The following RAB27B variants were observed in gnomAD, a reference collection of about 807,000 sequenced individuals.
RAB27B encodes ras-related protein Rab-27B.
RAB27B carries 15 observed loss-of-function variants against 24.6 expected under a neutral mutation model. That is an observed-to-expected ratio of 0.61 (90% confidence interval 0.41 to 0.94). The LOEUF is 0.94. RAB27B is among the 40% of genes least tolerant of loss of function. RAB27B has a pLI of 0.00. For missense variants in RAB27B, 261 were observed against 266.8 expected, an observed-to-expected ratio of 0.98 and a Z score of 0.15; for synonymous variants, 105 against 92.5, an observed-to-expected ratio of 1.14 and a Z score of -0.78.
intron 2 of RAB27B, among the ~76,000 whole-genome samples, chr18:54,731,563 A>G (rs1909734206): frequency 6.6e-6 from 1 of 151,966 alleles, no homozygotes. Context: ...TCTACTAAAA[A>G]TACAAAATTA....
In RAB27B at chr18:54,850,865, T is replaced by C. The variant is rs117852191; in HGVS notation, c.-20+22165T>C. The stretch of plus-strand genomic sequence containing the variant: ...GGAATACATATTCCTAAAGAGAGTG[T>C]TGTGTTGTGTTGTATTTAAAAGAAA... On this transcript the variant is annotated intron_variant, in intron 1 of 5. Transcript: ENST00000262094. Among the ~76,000 whole-genome samples, 324 of 151,762 alleles carry C rather than the reference T, an allele frequency of 2.1e-3. 3 individuals are homozygous for C. Among genetic ancestry groups the C allele is most frequent in the East Asian group, 0.019 (97 of 5,164 alleles).
intron 2 of RAB27B, among the ~76,000 whole-genome samples, chr18:54,756,136 T>C (rs1164954247): frequency 1.3e-5 from 2 of 152,138 alleles, no homozygotes; most frequent in Non-Finnish European, 2.9e-5. Flanking sequence ...AAGTATGAGG[T>C]GATAATTGAT....
At chr18:54,811,830 G>T (rs569686842) in intron 2 of RAB27B, among the ~76,000 whole-genome samples, 1 of 152,320 alleles carries the variant, frequency 6.6e-6, no homozygotes, top group African/African-American at 2.4e-5. Flanking sequence ...AAGCAAGTTT[G>T]CCTGATGCAG....
At chr18:54,864,968 A>T (rs1912152508) in intron 1 of RAB27B, among the ~76,000 whole-genome samples, 1 of 152,118 alleles carries the variant, frequency 6.6e-6, no homozygotes, top group Admixed American at 6.5e-5. Flanking sequence ...GATTAAATTA[A>T]ATGTGTAGTG....
chr18:54,863,465 G>A (rs1237274771), intron 1 of RAB27B, among the ~76,000 whole-genome samples: 1 of 152,126 alleles, frequency 6.6e-6, no homozygotes, highest in Admixed American at 6.5e-5. Context: ...TATTGTAAGA[G>A]AAAATATAAT....
chr18:54,775,563 A>C (rs1908689537), intron 2 of RAB27B, among the ~76,000 whole-genome samples: 1 of 152,142 alleles, frequency 6.6e-6, no homozygotes, highest in Non-Finnish European at 1.5e-5. Context: ...ATATGTACCA[A>C]ATGGAGTCTG....
rs1047001271 is a variant in RAB27B at position 54,893,266 on chromosome 18, A to G, written c.*3853A>G. 6.6e-6 allele frequency: 1 copy of G among 152,018 alleles called. No individual in the cohort carries two copies. The highest frequency in any genetic ancestry group is 2.4e-5 in the African/African-American group (1 of 41,430). The allele number at this position is 152,018 out of a possible 1,614,324, so 9.4% of individuals were successfully genotyped here. ...CATTCGTAAAGGATTTTGGATGTAT[A>G]ATCTAAAACTCAACAATAAAGAAAT... On this transcript the variant is annotated 3_prime_UTR_variant, in exon 6 of 6. Coordinates refer to ENST00000262094, the MANE Select transcript of RAB27B (RefSeq NM_004163.4).
chr18:54,819,504 C>T (rs1044701624), intron 2 of RAB27B, among the ~76,000 whole-genome samples: 24 of 119,116 alleles, frequency 2.0e-4, no homozygotes, highest in East Asian at 4.9e-4. Flanking sequence ...TGCACTCCAG[C>T]GTGGGCGACA....
At chr18:54,742,768 A>G (rs1910107398) in intron 2 of RAB27B, among the ~76,000 whole-genome samples, 1 of 152,200 alleles carries the variant, frequency 6.6e-6, no homozygotes, top group Admixed American at 6.5e-5. Context: ...CTTGCATATG[A>G]AGACCAAAAG....
chr18:54,849,893 A>T (rs1911489527), intron 1 of RAB27B, among the ~76,000 whole-genome samples: 1 of 152,178 alleles, frequency 6.6e-6, no homozygotes, highest in Admixed American at 6.5e-5. Context: ...ATCACTTAAG[A>T]GGCATTCAGC....
intron 2 of RAB27B, among the ~76,000 whole-genome samples, chr18:54,808,636 T>G (rs1251767591): frequency 6.6e-6 from 1 of 152,228 alleles, no homozygotes; most frequent in Non-Finnish European, 1.5e-5. Context: ...GATCATTCAG[T>G]TCTTTATTGA....
intron 2 of RAB27B, among the ~76,000 whole-genome samples, chr18:54,767,608 A>G (rs1908405805): frequency 6.6e-6 from 1 of 152,224 alleles, no homozygotes; most frequent in African/African-American, 2.4e-5. Context: ...GATCGTGAAT[A>G]ATAGTATGAA....
chr18:54,818,609 C>G (rs1280119617), intron 2 of RAB27B, among the ~76,000 whole-genome samples: 1 of 152,102 alleles, frequency 6.6e-6, no homozygotes, highest in East Asian at 1.9e-4. Context: ...GTACTCAGTG[C>G]TATTGCATTC....
chr18:54,758,546 T>C (rs1446425477), intron 2 of RAB27B, among the ~76,000 whole-genome samples: 1 of 151,346 alleles, frequency 6.6e-6, no homozygotes, highest in East Asian at 1.9e-4. Context: ...ACTTCATGTA[T>C]GAAGGATCAT....
intron 1 of RAB27B, among the ~76,000 whole-genome samples, chr18:54,841,154 C>G (rs1443737881): frequency 3.5e-4 from 3 of 8,642 alleles, no homozygotes; most frequent in Non-Finnish European, 4.2e-4. Context: ...CTTTGGGTGG[C>G]GGGGCGGTGG....
In RAB27B at chr18:54,889,852, G is replaced by A. The variant is rs1010495401; in HGVS notation, c.*439G>A. On this transcript the variant is annotated 3_prime_UTR_variant, in exon 6 of 6. Coordinates refer to ENST00000262094, the MANE Select transcript of RAB27B (RefSeq NM_004163.4). ...GAGTCAGATGCATACTTTTAGATTT[G>A]CATTGGGGAAAATGTACTAGCTAAA... 1 of 153,088 alleles carries A rather than the reference G, an allele frequency of 6.5e-6. No homozygotes were observed. The highest frequency in any genetic ancestry group is 1.5e-5 in the Non-Finnish European group (1 of 68,732). The allele number at this position is 153,088 out of a possible 1,614,324, so 9.5% of individuals were successfully genotyped here. A position where few individuals can be genotyped will look rare whatever the true frequency, so the allele number is the denominator to read the frequency against.
chr18:54,830,404 A>G (rs1435731138), intron 1 of RAB27B, among the ~76,000 whole-genome samples: 4 of 152,238 alleles, frequency 2.6e-5, no homozygotes, highest in Non-Finnish European at 4.4e-5. Flanking sequence ...CATGAAATAT[A>G]GAACAATTAC....
Position 54,723,633 on chromosome 18 carries a change from C to CATAGATAGATAG in RAB27B, c.-20+5503_-20+5514dup, listed in dbSNP as rs140976362. 5.3e-5 allele frequency among the ~76,000 whole-genome samples: 8 copies of CATAGATAGATAG among 151,904 alleles called. No homozygotes were observed. The South Asian group carries it at 1.7e-3, about 32-fold the overall frequency. On this transcript the variant is annotated intron_variant, in intron 2 of 4. Coordinates refer to the RAB27B transcript ENST00000586570. Reference sequence around the variant, plus strand: ...ATAGATAGCTAGAGAATTAGATAGACATAGATAGATAGATAGATAGATGAT... The same window carrying CATAGATAGATAG: ...ATAGATAGCTAGAGAATTAGATAGACATAGATAGATAGATAGATAGATAGATAGATAGATGAT...
At chr18:54,804,051 T>A (rs1438638096) in intron 2 of RAB27B, among the ~76,000 whole-genome samples, 1 of 152,186 alleles carries the variant, frequency 6.6e-6, no homozygotes, top group Non-Finnish European at 1.5e-5. Flanking sequence ...TTCCTATTAA[T>A]TATGTGGTCA....
Sources: allele counts gnomAD v4.1 joint callset (sites outside exome capture counted in the v4.1 genomes callset), GRCh38; gene constraint gnomAD v4.1.1; transcripts MANE v1.5; gene names NCBI Gene and HGNC (gene_info 2026-07-23, HGNC 2026-07-21).